MAPRE1: variants seen among roughly 807,000 people sequenced by gnomAD.
MAPRE1 encodes the protein microtubule associated protein RP/EB family member 1.
Under a neutral mutation model 32.1 loss-of-function variants are expected in MAPRE1, and 5 were observed. That is an observed-to-expected ratio of 0.16 (90% CI 0.08 to 0.33). The LOEUF is 0.33. MAPRE1 is among the 10% of genes least tolerant of loss of function. The pLI, the probability that MAPRE1 is intolerant of heterozygous loss-of-function variation, is 1.00. For synonymous variants in MAPRE1, 122 were observed against 118.9 expected (o/e 1.03, Z -0.17); for missense variants, 209 against 327.2 (o/e 0.64, Z 2.79).
chr20:32,841,769 C>G (rs1217386621), intron 5 of MAPRE1, among the ~76,000 whole-genome samples: 1 of 152,106 alleles, frequency 6.6e-6, no homozygotes, highest in African/African-American at 2.4e-5. Flanking sequence ...CAGTTAACTT[C>G]TATCTGGACA....
intron 5 of MAPRE1, among the ~76,000 whole-genome samples, chr20:32,841,852 T>C (rs763309687): frequency 2.0e-5 from 3 of 152,156 alleles, no homozygotes; most frequent in Admixed American, 1.3e-4. Flanking sequence ...TTGAGCAGAT[T>C]ATATGAGCTG....
intron 1 of MAPRE1, among the ~76,000 whole-genome samples, chr20:32,822,864 A>G (rs987610928): frequency 1.2e-4 from 18 of 152,192 alleles, no homozygotes; most frequent in African/African-American, 4.3e-4. Flanking sequence ...GGGACTTCCT[A>G]TCATAAAGGT....
At chr20:32,847,776 A>G (rs1021516208) in intron 6 of MAPRE1, among the ~76,000 whole-genome samples, 1 of 152,162 alleles carries the variant, frequency 6.6e-6, no homozygotes, top group Non-Finnish European at 1.5e-5. Flanking sequence ...AGAATAGTAT[A>G]GTAATTTCCT....
At chr20:32,826,448 C>T (rs922845310) in intron 2 of MAPRE1, among the ~76,000 whole-genome samples, 1 of 149,262 alleles carries the variant, frequency 6.7e-6, no homozygotes, top group African/African-American at 2.5e-5. Context: ...TCTTGATCTC[C>T]TGACCTCATG....
rs140005898 is a variant in MAPRE1 at position 32,835,826 on chromosome 20, G to A, written c.268-808G>A. On this transcript the variant is annotated intron_variant, in intron 3 of 6. Coordinates refer to ENST00000375571, the MANE Select transcript of MAPRE1 (RefSeq NM_012325.3). ...TCACCATATTGGCCAGGCTGGTCTC[G>A]AACTCCTGACCTCAAGTGATCTACC... Among the ~76,000 whole-genome samples, 343 of 151,546 alleles carry A rather than the reference G, an allele frequency of 2.3e-3. 1 individual carries two copies. Among genetic ancestry groups the A allele is most frequent in the African/African-American group, 8.0e-3 (332 of 41,300 alleles).
chr20:32,819,892 C>A (rs1203182959), upstream of MAPRE1: 1 of 150,966 alleles, frequency 6.6e-6, no homozygotes, highest in Admixed American at 6.6e-5. Flanking sequence ...GGATGGCGAG[C>A]CTTTACGTCG....
intron 4 of MAPRE1, among the ~76,000 whole-genome samples, chr20:32,838,687 C>T (rs1219028219): frequency 6.6e-6 from 1 of 152,156 alleles, no homozygotes; most frequent in African/African-American, 2.4e-5. Context: ...TGGGAAACTA[C>T]ATAGATAACC....
At chr20:32,842,823 A>G (rs990964500) in intron 5 of MAPRE1, among the ~76,000 whole-genome samples, 7 of 152,012 alleles carry the variant, frequency 4.6e-5, no homozygotes, top group African/African-American at 1.2e-4. Context: ...AAGAACCACA[A>G]CTCTTATGGG....
intron 1 of MAPRE1, 143 bp from the exon 2 acceptor site, chr20:32,825,782 T>C (rs1982829051): frequency 1.1e-5 from 6 of 564,724 alleles, no homozygotes; most frequent in Non-Finnish European, 1.4e-5. Flanking sequence ...AGAGTGAGAC[T>C]CTGTCTCAAA....
At chr20:32,837,654 T>C (rs769675608) in intron 4 of MAPRE1, among the ~76,000 whole-genome samples, 1 of 152,180 alleles carries the variant, frequency 6.6e-6, no homozygotes, top group African/African-American at 2.4e-5. Context: ...TCTAAATAGC[T>C]TAATGGAGAG....
At position 32,833,872 on chromosome 20, in the gene MAPRE1, C is replaced by T. The variant is rs201091883; in HGVS notation, c.267+10C>T. 175 of 1,610,078 alleles carry T rather than the reference C, an allele frequency of 1.1e-4. No homozygotes were observed. Among genetic ancestry groups the T allele is most frequent in the Non-Finnish European group, 1.4e-4 (167 of 1,177,216 alleles). On this transcript the variant is annotated intron_variant, in intron 3 of 6. Coordinates refer to ENST00000375571, the MANE Select transcript of MAPRE1 (RefSeq NM_012325.3). ...AATGGGTGTTGACAAAGTAAGTAAA[C>T]GTTATCTTTTATTGTGGTTAATGTT... is the stretch of plus-strand genomic sequence containing the variant.
At chr20:32,839,166 T>G (rs920594771) in intron 4 of MAPRE1, among the ~76,000 whole-genome samples, 1 of 152,226 alleles carries the variant, frequency 6.6e-6, no homozygotes, top group Non-Finnish European at 1.5e-5. Context: ...CCTGCTCTTA[T>G]GGATTCCCTC....
At chr20:32,826,438 T>C (rs1411043888) in intron 2 of MAPRE1, among the ~76,000 whole-genome samples, 1 of 150,454 alleles carries the variant, frequency 6.6e-6, no homozygotes, top group African/African-American at 2.5e-5. Flanking sequence ...GCCAGGATGG[T>C]CTTGATCTCC....
At chr20:32,836,219 T>A (rs185334461) in intron 3 of MAPRE1, among the ~76,000 whole-genome samples, 243 of 152,384 alleles carry the variant, frequency 1.6e-3, no homozygotes, top group South Asian at 4.8e-3. Flanking sequence ...GTGCTGGGTT[T>A]ACAGGCATGA....
intron 2 of MAPRE1, among the ~76,000 whole-genome samples, chr20:32,833,404 A>G (rs1182277226): frequency 6.6e-6 from 1 of 152,102 alleles, no homozygotes; most frequent in Non-Finnish European, 1.5e-5. Flanking sequence ...TTAGGCATTC[A>G]TTTTTGTTTC....
intron 1 of MAPRE1, 104 bp from the exon 2 acceptor site, chr20:32,825,821 G>T: frequency 1.3e-6 from 1 of 774,442 alleles, no homozygotes; most frequent in South Asian, 3.3e-5. Flanking sequence ...AAATAAAATT[G>T]AGTGTTCCTA....
intron 3 of MAPRE1, among the ~76,000 whole-genome samples, chr20:32,834,491 C>A (rs1983130200): frequency 6.6e-6 from 1 of 152,094 alleles, no homozygotes; most frequent in South Asian, 2.1e-4. Context: ...AGTAGTTTAT[C>A]CCTTCCCCCA....
chr20:32,846,638 T>C lies in MAPRE1; in HGVS notation c.618T>C (p.Thr206=), dbSNP rs769723396. ...TGCAGGTCAACGTATTGAAACTTAC[T>C]GTTGAAGACTTGGAGAAAGAGAGGG... ...LMQQVNVLKL[T]VEDLEKERDF... Residue 206 remains threonine, a synonymous_variant, in exon 6 of 7, where the codon ACT becomes ACC. Transcript: ENST00000375571. 4 of 1,614,112 alleles carry C rather than the reference T, an allele frequency of 2.5e-6. No homozygotes were observed. The highest frequency in any genetic ancestry group is 1.7e-5 in the Admixed American group (1 of 60,010).
At chr20:32,829,068 G>A (rs1039792516) in intron 2 of MAPRE1, among the ~76,000 whole-genome samples, 3 of 151,808 alleles carry the variant, frequency 2.0e-5, no homozygotes, top group Non-Finnish European at 2.9e-5. Flanking sequence ...TTACAGGTGC[G>A]TGCCACCTGT....
Sources: gnomAD v4.1 joint callset for allele counts (sites outside exome capture counted in the v4.1 genomes callset) on GRCh38, gnomAD v4.1.1 for gene constraint, MANE v1.5 for transcripts, NCBI Gene and HGNC (gene_info 2026-07-23, HGNC 2026-07-21) for gene names.